NSUN7: variants seen among roughly 807,000 people sequenced by gnomAD.
The protein encoded by NSUN7 is NOP2/Sun RNA methyltransferase family member 7, also known as protein NSUN7.
In NSUN7, 39 loss-of-function variants were observed where a neutral mutation model predicts 58.5. The ratio of observed to expected loss-of-function variants is 0.67; its 90% CI spans 0.52 to 0.87. The LOEUF (loss-of-function observed/expected upper bound fraction) is 0.87. NSUN7 is among the 40% of genes least tolerant of loss of function. NSUN7 has a pLI of 0.00. For synonymous variants in NSUN7, 278 were observed against 303.7 expected (o/e 0.92, Z 0.88); for missense variants, 765 against 844.1 (o/e 0.91, Z 1.16).
At chr4:40,766,619 C>T (rs1015751650) in intron 4 of NSUN7, among the ~76,000 whole-genome samples, 1 of 152,162 alleles carries the variant, frequency 6.6e-6, no homozygotes, top group Non-Finnish European at 1.5e-5. Flanking sequence ...GGAGGATTCC[C>T]TCTTTTTCTA....
At chr4:40,755,824 A>T (rs1161360559) in intron 2 of NSUN7, among the ~76,000 whole-genome samples, 1 of 152,262 alleles carries the variant, frequency 6.6e-6, no homozygotes. Flanking sequence ...GGCAGAGTCC[A>T]GGAGAGACTA....
intron 10 of NSUN7, among the ~76,000 whole-genome samples, chr4:40,799,692 T>C (rs1743496620): frequency 6.6e-6 from 1 of 152,154 alleles, no homozygotes; most frequent in Non-Finnish European, 1.5e-5. Context: ...TAACTACTTG[T>C]TGGGGATGCT....
At position 40,774,824 on chromosome 4, in the gene NSUN7, A is replaced by G. The variant is rs539320681; in HGVS notation, c.699A>G (p.Val233=). Residue 233 remains valine, a synonymous_variant, in exon 6 of 12, where the codon GTA becomes GTG. Coordinates refer to ENST00000381782, the MANE Select transcript of NSUN7 (RefSeq NM_024677.6). ...GAGGCTATAATAAAGTCAAATCTGT[A>G]TTGCATATTGATGATAAAGTCTTTG... ...KRRGYNKVKS[V]LHIDDKVFAV... is the part of the protein sequence containing the mutation. The G allele has an allele frequency of 1.2e-5, 18 of 1,558,204 alleles. No individual in the cohort carries two copies. Among genetic ancestry groups the G allele is most frequent in the African/African-American group, 1.1e-4 (8 of 73,808 alleles).
intron 2 of NSUN7, among the ~76,000 whole-genome samples, chr4:40,753,290 T>G (rs1740929637): frequency 6.6e-6 from 1 of 151,690 alleles, no homozygotes. Context: ...CTTTTTTTTT[T>G]TTTTTAGACA....
At chr4:40,789,873 G>C (rs1265732864) in intron 7 of NSUN7, among the ~76,000 whole-genome samples, 2 of 152,138 alleles carry the variant, frequency 1.3e-5, no homozygotes, top group Admixed American at 1.3e-4. Flanking sequence ...GGTGAGGCGT[G>C]ATAGCCACCG....
At chr4:40,793,056 G>T (rs1743164751) in intron 8 of NSUN7, among the ~76,000 whole-genome samples, 1 of 152,172 alleles carries the variant, frequency 6.6e-6, no homozygotes, top group Non-Finnish European at 1.5e-5. Flanking sequence ...TTTTAAGATA[G>T]AATTAAAGAA....
intron 8 of NSUN7, among the ~76,000 whole-genome samples, chr4:40,794,054 T>C (rs1208757489): frequency 1.3e-5 from 2 of 152,172 alleles, no homozygotes; most frequent in Non-Finnish European, 2.9e-5. Flanking sequence ...CCAGTATTAG[T>C]CTCGAGACTG....
At chr4:40,769,127 G>A (rs1006188113) in intron 4 of NSUN7, among the ~76,000 whole-genome samples, 1 of 152,178 alleles carries the variant, frequency 6.6e-6, no homozygotes, top group Non-Finnish European at 1.5e-5. Context: ...CTGAGCCTGT[G>A]TGCTTCTTTC....
At chr4:40,761,594 GCTA>G (rs1741465742) in intron 4 of NSUN7, among the ~76,000 whole-genome samples, 1 of 152,048 alleles carries the variant, frequency 6.6e-6, no homozygotes, top group African/African-American at 2.4e-5. Context: ...ATTTGAAACA[GCTA>G]CTAATTGCTT....
chr4:40,788,182 AGTTAT>A (rs1742921219), intron 7 of NSUN7, among the ~76,000 whole-genome samples: 2 of 152,172 alleles, frequency 1.3e-5, no homozygotes, highest in Admixed American at 1.3e-4. Context: ...GTTAGGTTTT[AGTTAT>A]GTTAGGTTTA....
rs1742361298 is a variant in NSUN7 at position 40,778,207 on chromosome 4, T to A, written c.1036+1948T>A. 2.0e-5 allele frequency among the ~76,000 whole-genome samples: 3 copies of A among 152,260 alleles called. No homozygotes were observed. In the South Asian group the frequency reaches 6.2e-4, roughly 32 times the overall value. ...GAGACTCAGTGATTCAGTTATCTCA[T>A]GTGTGTGTGGAATTGCAGATGGAGA... On this transcript the variant is annotated intron_variant, in intron 7 of 11. Transcript: ENST00000381782.
chr4:40,808,929 G>T lies in NSUN7; in HGVS notation c.2147G>T (p.Arg716Leu), dbSNP rs763345057. ...TPSSLLRPPRRWL is the reference protein window; with the variant it reads ...TPSSLLRPPRLWL ...TCCTCCCTACTCAGGCCTCCTCGGCGATGGCTTTGATTGTCTTGTGTTTTT... is the reference window on the plus strand; with the variant it reads ...TCCTCCCTACTCAGGCCTCCTCGGCTATGGCTTTGATTGTCTTGTGTTTTT... The change falls in exon 12 of 12, where the codon CGA becomes CTA. Residue 716 changes from arginine to leucine, a missense_variant. Physicochemically the swap from Arg to Leu is moderately radical, Grantham distance 102 (BLOSUM62 -2). Transcript: ENST00000381782. 6.6e-7 allele frequency: 1 copy of T among 1,518,366 alleles called. No homozygotes were observed. Among genetic ancestry groups the T allele is most frequent in the South Asian group, 1.2e-5 (1 of 82,398 alleles). The allele number at this position is 1,518,366 out of a possible 1,614,324, so 94.1% of individuals were successfully genotyped here.
intron 4 of NSUN7, among the ~76,000 whole-genome samples, chr4:40,761,787 C>A (rs1472111765): frequency 6.6e-6 from 1 of 152,176 alleles, no homozygotes; most frequent in East Asian, 1.9e-4. Context: ...CAGTAGAAGT[C>A]TACCATGAGA....
intron 2 of NSUN7, among the ~76,000 whole-genome samples, chr4:40,758,919 G>A (rs1365654470): frequency 6.6e-6 from 1 of 151,758 alleles, no homozygotes; most frequent in Non-Finnish European, 1.5e-5. Flanking sequence ...CAAATTCAAG[G>A]TATAAATTCA....
chr4:40,800,620 G>A (rs2437305), intron 10 of NSUN7, among the ~76,000 whole-genome samples: 21,789 of 152,174 alleles, frequency 0.14, 1,616 homozygotes, highest in Non-Finnish European at 0.16. Context: ...GATTACAGGC[G>A]TGAGCCACCA....
intron 8 of NSUN7, 67 bp downstream of exon 8, chr4:40,790,812 C>A (rs1362393472): frequency 2.5e-6 from 3 of 1,188,114 alleles, no homozygotes; most frequent in Admixed American, 2.6e-5. Context: ...TATTTAAAAT[C>A]ATTAAAATAG....
chr4:40,773,510 C>T (rs1386145704), intron 4 of NSUN7, among the ~76,000 whole-genome samples: 1 of 151,858 alleles, frequency 6.6e-6, no homozygotes, highest in East Asian at 1.9e-4. Flanking sequence ...TGGCGAAACC[C>T]CATCTGTACT....
intron 7 of NSUN7, among the ~76,000 whole-genome samples, chr4:40,781,195 T>C (rs1281678541): frequency 6.6e-6 from 1 of 151,906 alleles, no homozygotes; most frequent in East Asian, 1.9e-4. Flanking sequence ...ATCTCCTGAG[T>C]AGCATGCACC....
chr4:40,750,556 G>T (rs947079260), intron 1 of NSUN7, 47 bp from the exon 2 acceptor site: 1 of 1,005,962 alleles, frequency 9.9e-7, no homozygotes, highest in Admixed American at 2.6e-5. Context: ...ACCCACAGGG[G>T]TGCTGCAGAA....
Sources: allele counts gnomAD v4.1 joint callset (sites outside exome capture counted in the v4.1 genomes callset), GRCh38; gene constraint gnomAD v4.1.1; transcripts MANE v1.5; gene names NCBI Gene and HGNC (gene_info 2026-07-23, HGNC 2026-07-21).